The following DOCK11 variants were observed in gnomAD, a reference collection of about 807,000 sequenced individuals.
DOCK11 encodes the protein dedicator of cytokinesis protein 11.
In DOCK11, 70 loss-of-function variants were observed where a neutral mutation model predicts 169.1. The ratio of observed to expected loss-of-function variants is 0.41; its 90% CI spans 0.34 to 0.51. DOCK11 has a LOEUF of 0.51. Ranked by LOEUF, DOCK11 falls within the 20% of genes least tolerant of loss-of-function variation. The pLI, the probability that DOCK11 is intolerant of heterozygous loss-of-function variation, is 0.10. For missense variants in DOCK11, 1,166 were observed against 1,538.8 expected (o/e 0.76, Z 4.05); for synonymous variants, 529 against 541.3 (o/e 0.98, Z 0.32).
At chrX:118,626,469 G>T (rs2015107902) in intron 32 of DOCK11, among the ~76,000 whole-genome samples, 1 of 111,788 alleles carries the variant, frequency 8.9e-6, no homozygotes, top group Non-Finnish European at 1.9e-5. Flanking sequence ...ACACTTTATA[G>T]TCTGCCCAGT....
At chrX:118,553,646 T>G (rs2012579577) in intron 6 of DOCK11, among the ~76,000 whole-genome samples, 1 of 111,923 alleles carries the variant, frequency 8.9e-6, no homozygotes, top group Admixed American at 9.5e-5. Flanking sequence ...GGAGGGATTT[T>G]TCCTCCTCTG....
At chrX:118,644,560 T>C (rs1484266177) in intron 40 of DOCK11, among the ~76,000 whole-genome samples, 2 of 112,009 alleles carry the variant, frequency 1.8e-5, no homozygotes, top group Non-Finnish European at 3.8e-5. Flanking sequence ...AAAGGCTTAT[T>C]GTCCAGTAGA....
intron 24 of DOCK11, 51 bp from the exon 25 acceptor site, chrX:118,608,021 A>T (rs1340690300): frequency 9.7e-7 from 1 of 1,035,437 alleles, no homozygotes; most frequent in Non-Finnish European, 1.3e-6. Flanking sequence ...GAATCAAAAT[A>T]TGTTAATTCA....
chrX:118,634,749 TG>T (rs2015343417), intron 35 of DOCK11, among the ~76,000 whole-genome samples: 1 of 112,070 alleles, frequency 8.9e-6, no homozygotes, highest in Admixed American at 9.4e-5. Flanking sequence ...TTTTTTTAGA[TG>T]GAGTCTCACT....
intron 24 of DOCK11, among the ~76,000 whole-genome samples, chrX:118,607,112 CTTTT>C (rs776058680): frequency 3.2e-5 from 2 of 62,983 alleles, no homozygotes; most frequent in African/African-American, 6.0e-5. Flanking sequence ...TCCTTTCCTT[CTTTT>C]TTTTTTTTTT....
intron 6 of DOCK11, among the ~76,000 whole-genome samples, chrX:118,550,275 C>T (rs2012446924): frequency 9.1e-6 from 1 of 110,440 alleles, no homozygotes; most frequent in South Asian, 3.9e-4. Flanking sequence ...CCTGTCTCTA[C>T]AAAAATGAAC....
chrX:118,516,458 G>A (rs947157356), intron 1 of DOCK11, among the ~76,000 whole-genome samples: 18 of 86,051 alleles, frequency 2.1e-4, no homozygotes, highest in African/African-American at 7.1e-4. Flanking sequence ...TTCTCTCTCC[G>A]CCTCTCTCAC....
intron 38 of DOCK11, among the ~76,000 whole-genome samples, chrX:118,640,281 A>G (rs1428802146): frequency 8.9e-6 from 1 of 112,440 alleles, no homozygotes; most frequent in Non-Finnish European, 1.9e-5. Flanking sequence ...GTTTCCACAC[A>G]GTCCTCTGAA....
chrX:118,582,377 C>G (rs946683597), intron 14 of DOCK11, among the ~76,000 whole-genome samples: 5 of 111,614 alleles, frequency 4.5e-5, no homozygotes, highest in Non-Finnish European at 9.4e-5. Context: ...GCATACGGTC[C>G]CTCTTTGGGC....
chrX:118,680,686 T>G lies in DOCK11; in HGVS notation c.5665T>G (p.Leu1889Val), dbSNP rs1470897154. The G allele has an allele frequency of 1.7e-6, 2 of 1,173,027 alleles. No homozygotes were observed. Among genetic ancestry groups the G allele is most frequent in the Non-Finnish European group, 2.3e-6 (2 of 874,248 alleles). The change falls in exon 49 of 53, where the codon TTG becomes GTG. Residue 1889 changes from leucine (L) to valine (V), a missense_variant. Physicochemically the swap from Leu to Val is conservative, Grantham distance 32. Transcript: ENST00000276202. ...AGAACAGTGCAAACGCCGTACAATCTTGACAAGTAAGTACAATTTTACATA... is the reference window on the plus strand; with the variant it reads ...AGAACAGTGCAAACGCCGTACAATCGTGACAAGTAAGTACAATTTTACATA... ...IEEQCKRRTI[L>V]TTSNSFPYVK...
In DOCK11 at chrX:118,628,146, C is replaced by CAA. The variant is rs2015152024; in HGVS notation, c.3665-17_3665-16insAA. 5 of 1,021,464 alleles carry CAA rather than the reference C, an allele frequency of 4.9e-6. No homozygotes were observed. In the African/African-American group the frequency reaches 9.7e-5, roughly 20 times the overall value. The allele number at this position is 1,021,464 out of a possible 1,213,427, so 84.2% of individuals were successfully genotyped here. On this transcript the variant is annotated splice_polypyrimidine_tract_variant and intron_variant, in intron 33 of 52. Coordinates refer to ENST00000276202, the MANE Select transcript of DOCK11 (RefSeq NM_144658.4). Reference sequence around the variant, plus strand: ...CCCCCTCTTGCCAACAAGGGCTTGACTTTTTTTTTTCCCCAGCTTATGGGT... The same window carrying CAA: ...CCCCCTCTTGCCAACAAGGGCTTGACAATTTTTTTTTTCCCCAGCTTATGGGT...
intron 44 of DOCK11, among the ~76,000 whole-genome samples, chrX:118,660,466 T>TTTA (rs1312281101): frequency 9.0e-6 from 1 of 110,602 alleles, no homozygotes; most frequent in Non-Finnish European, 1.9e-5. Flanking sequence ...GCGCCTTTTA[T>TTTA]TTATTATTAT....
chrX:118,586,167 T>C (rs2013807823), intron 16 of DOCK11, among the ~76,000 whole-genome samples: 1 of 111,513 alleles, frequency 9.0e-6, no homozygotes, highest in Admixed American at 9.6e-5. Context: ...ACCAACGAGG[T>C]GCTTTAAACG....
rs2013358288 is a variant in DOCK11 at position 118,573,832 on chromosome X, C to T, written c.1203C>T (p.Ala401=). ...TTGAGCCCTTTTTTATCAATCTTGC[C>T]TTATTTGATGTAAAGAACAATTGTA... ...TNVEPFFINL[A]LFDVKNNCKI... is the part of the protein sequence containing the mutation. Residue 401 remains alanine (A), a synonymous_variant, in exon 12 of 53, where the codon GCC becomes GCT. Coordinates refer to ENST00000276202, the MANE Select transcript of DOCK11 (RefSeq NM_144658.4). 2 of 1,206,784 alleles carry T rather than the reference C, an allele frequency of 1.7e-6. No individual in the cohort carries two copies. The highest frequency in any genetic ancestry group is 2.2e-6 in the Non-Finnish European group (2 of 893,558).
chrX:118,636,151 A>G (rs1035711782), intron 35 of DOCK11, among the ~76,000 whole-genome samples, 195 bp from the exon 36 acceptor site: 2 of 111,943 alleles, frequency 1.8e-5, no homozygotes, highest in African/African-American at 6.5e-5. Flanking sequence ...CTAATTACCA[A>G]TTAAATGATA....
At chrX:118,555,777 G>A (rs1183724103) in intron 6 of DOCK11, among the ~76,000 whole-genome samples, 1 of 110,247 alleles carries the variant, frequency 9.1e-6, no homozygotes, top group Non-Finnish European at 1.9e-5. Context: ...CTAAGACCCA[G>A]TATGTCTCTG....
chrX:118,647,743 A>G (rs868344011), intron 40 of DOCK11, among the ~76,000 whole-genome samples: 1 of 51,515 alleles, frequency 1.9e-5, no homozygotes, highest in Non-Finnish European at 3.1e-5. Context: ...ATATAATATA[A>G]TATATAATAA....
intron 46 of DOCK11, among the ~76,000 whole-genome samples, chrX:118,672,382 A>G (rs1331377242): frequency 8.9e-6 from 1 of 112,568 alleles, no homozygotes. Flanking sequence ...TTAGGATTCA[A>G]GCCATTTTAA....
intron 1 of DOCK11, among the ~76,000 whole-genome samples, chrX:118,536,983 G>C (rs1473370525): frequency 1.8e-5 from 2 of 111,611 alleles, no homozygotes; most frequent in Non-Finnish European, 3.8e-5. Flanking sequence ...ATGACTAGGG[G>C]ATCTGGAGAA....
Sources: allele counts gnomAD v4.1 joint callset (sites outside exome capture counted in the v4.1 genomes callset), GRCh38; gene constraint gnomAD v4.1.1; transcripts MANE v1.5; gene names NCBI Gene and HGNC (gene_info 2026-07-23, HGNC 2026-07-21).